Variants in ABCA5 observed in about 807,000 individuals in gnomAD.
ABCA5 encodes the protein cholesterol transporter ABCA5.
ABCA5 carries 163 observed loss-of-function variants against 206.0 expected under a neutral mutation model. The ratio of observed to expected loss-of-function variants is 0.79; its 90% CI spans 0.70 to 0.90. ABCA5 has a LOEUF of 0.90. Among genes scored for constraint, ABCA5 ranks in the 40% least tolerant of loss-of-function variants. ABCA5 has a pLI of 0.00. For synonymous variants in ABCA5, 609 were observed against 613.8 expected, an observed-to-expected ratio of 0.99 and a Z score of 0.11; for missense variants, 1,859 against 1,912.9, an observed-to-expected ratio of 0.97 and a Z score of 0.53.
chr17:69,269,890 T>A (rs1954663762), intron 22 of ABCA5, among the ~76,000 whole-genome samples: 1 of 152,094 alleles, frequency 6.6e-6, no homozygotes, highest in South Asian at 2.1e-4. Flanking sequence ...AGAAAGTACA[T>A]TAGTGGTTGC....
chr17:69,310,783 T>A (rs1359994870), intron 3 of ABCA5, among the ~76,000 whole-genome samples: 1 of 152,232 alleles, frequency 6.6e-6, no homozygotes, highest in Non-Finnish European at 1.5e-5. Context: ...GTATTAACTG[T>A]GTGAGCACAG....
At chr17:69,292,593 T>C (rs1317693637) in intron 11 of ABCA5, among the ~76,000 whole-genome samples, 2 of 152,230 alleles carry the variant, frequency 1.3e-5, no homozygotes, top group Admixed American at 1.3e-4. Flanking sequence ...TTTTATTTCA[T>C]TCTCTTGCTT....
chr17:69,306,829 T>A lies in ABCA5; in HGVS notation c.684A>T (p.Ala228=). The A allele has an allele frequency of 6.2e-7, 1 of 1,601,846 alleles. No individual in the cohort carries two copies. The highest frequency in any genetic ancestry group is 8.5e-7 in the Non-Finnish European group (1 of 1,173,758). Residue 228 remains alanine, a synonymous_variant, in exon 6 of 39, where the codon GCA becomes GCT. Coordinates refer to ENST00000392676, the MANE Select transcript of ABCA5 (RefSeq NM_172232.4). ...RGVILIYLVI[A]FSPFGYFLAI... ...CCAAAAAGTATCCAAAAGGTGAAAA[T>A]GCTATAACTAGGTATATTAAAATTA...
At chr17:69,298,221 AAGGT>A (rs757307976) in intron 9 of ABCA5, among the ~76,000 whole-genome samples, 24 of 69,020 alleles carry the variant, frequency 3.5e-4, no homozygotes, top group Non-Finnish European at 9.2e-5. Context: ...GGAAGGAAGG[AAGGT>A]AGGTAGGAAG....
At chr17:69,250,777 TCA>T (rs1249546178) in intron 35 of ABCA5, 156 bp from the exon 36 acceptor site, 2 of 435,654 alleles carry the variant, frequency 4.6e-6, no homozygotes, top group South Asian at 5.0e-5. Context: ...TTATCCGGTT[TCA>T]GTTTCCCTAA....
At chr17:69,265,529 T>C (rs2075198366) in intron 23 of ABCA5, among the ~76,000 whole-genome samples, 1 of 152,130 alleles carries the variant, frequency 6.6e-6, no homozygotes, top group Admixed American at 6.6e-5. Flanking sequence ...ATTTGAAATT[T>C]CTAAAATATT....
intron 18 of ABCA5, among the ~76,000 whole-genome samples, chr17:69,282,980 C>CTTT (rs1048269473): frequency 3.5e-5 from 4 of 112,984 alleles, no homozygotes; most frequent in Non-Finnish European, 5.2e-5. Flanking sequence ...TGTTCTTTCC[C>CTTT]TTTTTTTTTT....
In ABCA5 at chr17:69,286,018, A is replaced by C. The variant is rs751108918; in HGVS notation, c.2152T>G (p.Cys718Gly). The C allele has an allele frequency of 1.2e-6, 2 of 1,611,930 alleles. No homozygotes were observed. Among genetic ancestry groups the C allele is most frequent in the African/African-American group, 1.3e-5 (1 of 74,872 alleles). ...YRLSMYIDKY[C>G]ATESLSSLVK... ...AGTGAAGAAAGAGATTCTGTGGCAC[A>C]ATATTTGTCTATGTACATGCTAGAG... The change falls in exon 17 of 39, where the codon TGT becomes GGT. Residue 718 changes from cysteine (C) to glycine (G), a missense_variant. Physicochemically the swap from Cys to Gly is radical, Grantham distance 159. Coordinates refer to ENST00000392676, the MANE Select transcript of ABCA5 (RefSeq NM_172232.4).
intron 1 of ABCA5, among the ~76,000 whole-genome samples, chr17:69,320,936 T>C (rs951377300): frequency 1.3e-5 from 2 of 152,148 alleles, no homozygotes; most frequent in Admixed American, 6.5e-5. Context: ...CGAGACCACA[T>C]TGTCTCTCGA....
In ABCA5 at chr17:69,304,694, A is replaced by G. The variant is rs1598198631; in HGVS notation, c.905T>C (p.Leu302Pro). 1.9e-6 allele frequency: 3 copies of G among 1,599,108 alleles called. No individual in the cohort carries two copies. The highest frequency in any genetic ancestry group is 1.3e-5 in the African/African-American group (1 of 74,170). Residue 302 changes from leucine to proline, a missense_variant, in exon 7 of 39, where the codon CTT becomes CCT. Coordinates refer to ENST00000392676, the MANE Select transcript of ABCA5 (RefSeq NM_172232.4). ...AGATGATAATCCATAAAGGAAAAAA[A>G]GCAGAAATATCACAATGCTGCTACT... ...PQSSSIVIFL[L>P]FFLYGLSSVF...
At chr17:69,295,819 C>T (rs1468607147) in intron 10 of ABCA5, among the ~76,000 whole-genome samples, 2 of 151,976 alleles carry the variant, frequency 1.3e-5, no homozygotes, top group Non-Finnish European at 2.9e-5. Flanking sequence ...AGTTCATCTG[C>T]GAGTTTTTTC....
chr17:69,250,402 T>A (rs2074998474), intron 36 of ABCA5, 70 bp downstream of exon 36: 3 of 1,381,478 alleles, frequency 2.2e-6, no homozygotes, highest in Admixed American at 4.7e-5. Flanking sequence ...TTTCACTTAA[T>A]CCTTAATATA....
intron 28 of ABCA5, among the ~76,000 whole-genome samples, chr17:69,257,947 CTT>C (rs1393309727): frequency 1.3e-5 from 2 of 151,896 alleles, no homozygotes; most frequent in South Asian, 4.1e-4. Flanking sequence ...AAATTTATAA[CTT>C]ATAATTAAGT....
intron 10 of ABCA5, 75 bp downstream of exon 10, chr17:69,297,116 T>A: frequency 7.2e-7 from 1 of 1,385,492 alleles, no homozygotes; most frequent in Non-Finnish European, 1.0e-6. Context: ...CATATTTACA[T>A]ACATATTTAA....
At chr17:69,253,021 C>T (rs901798657) in intron 34 of ABCA5, among the ~76,000 whole-genome samples, 1 of 151,872 alleles carries the variant, frequency 6.6e-6, no homozygotes, top group South Asian at 2.1e-4. Flanking sequence ...GTTACAACTG[C>T]CTACAGTATT....
intron 1 of ABCA5, chr17:69,317,590 GAGAGT>G (rs975209292): frequency 1.3e-5 from 2 of 152,062 alleles, no homozygotes; most frequent in African/African-American, 4.8e-5. Flanking sequence ...AGAGGCCAGG[GAGAGT>G]AAAGAATGAG....
In ABCA5 at chr17:69,304,701, A is replaced by C. The variant is rs199858258; in HGVS notation, c.898T>G (p.Phe300Val). 3.7e-6 allele frequency: 6 copies of C among 1,602,320 alleles called. No homozygotes were observed. Among genetic ancestry groups the C allele is most frequent in the Middle Eastern group, 3.5e-4 (2 of 5,778 alleles). ...AATCCATAAAGGAAAAAAAGCAGAA[A>C]TATCACAATGCTGCTACTTTGAGGA... ...LFPQSSSIVI[F>V]LLFFLYGLSS... The change falls in exon 7 of 39, where the codon TTT becomes GTT. Residue 300 changes from phenylalanine (F) to valine (V), a missense_variant. Transcript: ENST00000392676.
chr17:69,314,435 T>C lies in ABCA5; in HGVS notation c.-15-5A>G, dbSNP rs781739896. Reference sequence around the variant, plus strand: ...GGACATGTTTTCTGAATAAACCTATTAAAGAGGAAAAACAAACAAACAAAC... The same window carrying C: ...GGACATGTTTTCTGAATAAACCTATCAAAGAGGAAAAACAAACAAACAAAC... On this transcript the variant is annotated splice_region_variant and splice_polypyrimidine_tract_variant and intron_variant, in intron 1 of 38. Coordinates refer to ENST00000392676, the MANE Select transcript of ABCA5 (RefSeq NM_172232.4). The C allele has an allele frequency of 6.4e-7, 1 of 1,555,796 alleles. No homozygotes were observed. Among genetic ancestry groups the C allele is most frequent in the Non-Finnish European group, 8.8e-7 (1 of 1,134,194 alleles).
chr17:69,311,310 T>TA (rs2075765981), intron 3 of ABCA5, among the ~76,000 whole-genome samples: 1 of 152,148 alleles, frequency 6.6e-6, no homozygotes, highest in South Asian at 2.1e-4. Flanking sequence ...TTTACATGAA[T>TA]AAAGAGGGTG....
Sources: gnomAD v4.1 joint callset for allele counts (sites outside exome capture counted in the v4.1 genomes callset) on GRCh38, gnomAD v4.1.1 for gene constraint, MANE v1.5 for transcripts, NCBI Gene and HGNC (gene_info 2026-07-23, HGNC 2026-07-21) for gene names.